The following FHIT variants were observed in gnomAD, a reference collection of about 807,000 sequenced individuals.
FHIT encodes bis(5'-adenosyl)-triphosphatase.
In FHIT, 19 loss-of-function variants were observed where a neutral mutation model predicts 17.9. That is an observed-to-expected ratio of 1.06 (90% confidence interval 0.74 to 1.56). FHIT has a LOEUF of 1.56. Among genes scored for constraint, FHIT ranks in the 40% most tolerant of loss-of-function variants. FHIT has a pLI of 0.00. For synonymous variants in FHIT, 81 were observed against 69.7 expected, an observed-to-expected ratio of 1.16 and a Z score of -0.81; for missense variants, 248 against 189.2, an observed-to-expected ratio of 1.31 and a Z score of -1.82.
At chr3:60,155,036 C>CT (rs1700620602) in intron 5 of FHIT, among the ~76,000 whole-genome samples, 1 of 150,822 alleles carries the variant, frequency 6.6e-6, no homozygotes, top group Non-Finnish European at 1.5e-5. Flanking sequence ...CCCAGTTTTA[C>CT]AAAAAAAAAT....
intron 4 of FHIT, among the ~76,000 whole-genome samples, chr3:60,595,074 A>T (rs1311397537): frequency 6.6e-6 from 1 of 152,080 alleles, no homozygotes; most frequent in Non-Finnish European, 1.5e-5. Flanking sequence ...AGCACAGTGG[A>T]GCTACTGTGA....
At chr3:60,264,747 A>G (rs213330) in intron 5 of FHIT, among the ~76,000 whole-genome samples, 19,333 of 151,896 alleles carry the variant, frequency 0.13, 1,513 homozygotes, top group South Asian at 0.3. Flanking sequence ...GTTCAAGTAC[A>G]TATCAATATA....
At chr3:61,022,361 C>G (rs1256831838) in intron 3 of FHIT, among the ~76,000 whole-genome samples, 2 of 152,058 alleles carry the variant, frequency 1.3e-5, no homozygotes, top group African/African-American at 4.8e-5. Flanking sequence ...AATAGCCTAC[C>G]AACCAAACAA....
chr3:60,338,280 G>A (rs577903568), intron 5 of FHIT, among the ~76,000 whole-genome samples: 1 of 152,124 alleles, frequency 6.6e-6, no homozygotes, highest in Non-Finnish European at 1.5e-5. Flanking sequence ...GTATGATAAA[G>A]CATATATACC....
chr3:60,606,184 A>G (rs1157227356), intron 4 of FHIT, among the ~76,000 whole-genome samples: 1 of 152,014 alleles, frequency 6.6e-6, no homozygotes, highest in African/African-American at 2.4e-5. Context: ...GATGTTTACT[A>G]TAGCAAACAT....
chr3:59,800,438 G>C (rs1699947704), intron 8 of FHIT, among the ~76,000 whole-genome samples: 1 of 152,204 alleles, frequency 6.6e-6, no homozygotes, highest in Non-Finnish European at 1.5e-5. Context: ...AAAGCTCAAA[G>C]AATGAGGCAG....
chr3:60,111,998 C>G (rs1231600101), intron 5 of FHIT, among the ~76,000 whole-genome samples: 2 of 152,186 alleles, frequency 1.3e-5, no homozygotes, highest in Non-Finnish European at 2.9e-5. Context: ...AAAATCCCAA[C>G]TAAAACGGGC....
At chr3:59,804,532 G>A (rs996229377) in intron 8 of FHIT, among the ~76,000 whole-genome samples, 6 of 152,342 alleles carry the variant, frequency 3.9e-5, no homozygotes, top group Middle Eastern at 3.4e-3. Flanking sequence ...GAGTGGGCCC[G>A]AGCATAGGGG....
At chr3:60,449,780 G>A (rs1253057921) in intron 5 of FHIT, among the ~76,000 whole-genome samples, 4 of 151,994 alleles carry the variant, frequency 2.6e-5, no homozygotes, top group Admixed American at 6.6e-5. Context: ...CGAGGTGGGT[G>A]CATCACAAGG....
At chr3:61,223,545 C>T (rs1173910251) in intron 1 of FHIT, among the ~76,000 whole-genome samples, 1 of 152,194 alleles carries the variant, frequency 6.6e-6, no homozygotes, top group African/African-American at 2.4e-5. Context: ...ACTGAAGTCC[C>T]TTAGCCCTTC....
intron 3 of FHIT, among the ~76,000 whole-genome samples, chr3:60,854,430 G>C (rs77999321): frequency 0.033 from 5,084 of 152,084 alleles, 129 homozygotes; most frequent in Non-Finnish European, 0.049. Flanking sequence ...AACACAGAAA[G>C]CTTTCTTTTC....
chr3:59,900,146 C>A lies in FHIT; in HGVS notation c.348+22200G>T, dbSNP rs1352672857. On this transcript the variant is annotated intron_variant, in intron 8 of 9. Coordinates refer to ENST00000492590, the MANE Select transcript of FHIT (RefSeq NM_002012.4). Reference sequence around the variant, plus strand: ...AAGCATGAAGCAGCCTGTTGGATTCCCCACTCTGGTAGCCACAGTCCTCTG... The same window carrying A: ...AAGCATGAAGCAGCCTGTTGGATTCACCACTCTGGTAGCCACAGTCCTCTG... 2.6e-5 allele frequency among the ~76,000 whole-genome samples: 4 copies of A among 152,246 alleles called. 1 individual carries two copies. Among genetic ancestry groups the A allele is most frequent in the South Asian group, 4.1e-4 (2 of 4,828 alleles).
intron 5 of FHIT, among the ~76,000 whole-genome samples, chr3:60,174,214 T>C (rs1701565873): frequency 6.6e-6 from 1 of 151,732 alleles, no homozygotes; most frequent in Admixed American, 6.6e-5. Context: ...CTGGCCTGTT[T>C]CTAATATTTT....
chr3:60,734,385 T>A (rs1441281581), intron 4 of FHIT, among the ~76,000 whole-genome samples: 5 of 152,136 alleles, frequency 3.3e-5, no homozygotes, highest in African/African-American at 1.2e-4. Flanking sequence ...TGCATCTCAG[T>A]CTCTCTATAT....
chr3:60,319,086 CT>C (rs949494929), intron 5 of FHIT, among the ~76,000 whole-genome samples: 2 of 152,160 alleles, frequency 1.3e-5, no homozygotes, highest in Non-Finnish European at 2.9e-5. Flanking sequence ...TCCAGGATAA[CT>C]TCCCCATCTT....
intron 5 of FHIT, among the ~76,000 whole-genome samples, chr3:60,067,493 C>T (rs1702567319): frequency 6.6e-6 from 1 of 152,184 alleles, no homozygotes; most frequent in African/African-American, 2.4e-5. Context: ...CCCTCTATTT[C>T]ATCTTTGATT....
intron 3 of FHIT, among the ~76,000 whole-genome samples, chr3:60,938,919 A>G (rs1189236682): frequency 2.0e-5 from 3 of 152,204 alleles, no homozygotes; most frequent in Admixed American, 6.5e-5. Context: ...AAATATGTTC[A>G]TTGTAAATAA....
At position 60,928,247 on chromosome 3, in the gene FHIT, T is replaced by G. The variant is rs1217825281; in HGVS notation, c.-110-106236A>C. 3.3e-5 allele frequency among the ~76,000 whole-genome samples: 5 copies of G among 149,840 alleles called. No homozygotes were observed. In the East Asian group the frequency reaches 9.9e-4, roughly 30 times the overall value. ...GTTTATCTGCTGACCTTCTCTCCAC[T>G]ATTGTCCTATGACCCTGCGAAATCC... is the stretch of plus-strand genomic sequence containing the variant. On this transcript the variant is annotated intron_variant, in intron 3 of 9. Transcript: ENST00000492590.
At chr3:60,154,652 C>T (rs1700602661) in intron 5 of FHIT, among the ~76,000 whole-genome samples, 1 of 152,118 alleles carries the variant, frequency 6.6e-6, no homozygotes, top group African/African-American at 2.4e-5. Context: ...GGTGCTAAAC[C>T]TTCATTAGTG....
Sources: gnomAD v4.1 joint callset for allele counts (sites outside exome capture counted in the v4.1 genomes callset) on GRCh38, gnomAD v4.1.1 for gene constraint, MANE v1.5 for transcripts, NCBI Gene and HGNC (gene_info 2026-07-23, HGNC 2026-07-21) for gene names.